Variants in TXLNB observed in about 807,000 individuals in gnomAD.
The protein encoded by TXLNB is taxilin beta, also known as beta-taxilin.
Under a neutral mutation model 57.4 loss-of-function variants are expected in TXLNB, and 37 were observed. The observed-to-expected ratio is 0.64, with a 90% confidence interval of 0.50 to 0.85. The LOEUF is 0.85. Ranked by LOEUF, TXLNB falls within the 40% of genes least tolerant of loss-of-function variation. TXLNB has a pLI of 0.00. For synonymous variants in TXLNB, 302 were observed against 309.6 expected (o/e 0.98, Z 0.26); for missense variants, 848 against 825.6 (o/e 1.03, Z -0.33).
intron 5 of TXLNB, among the ~76,000 whole-genome samples, chr6:139,261,588 T>C (rs896815497): frequency 2.0e-5 from 3 of 152,090 alleles, no homozygotes; most frequent in African/African-American, 7.2e-5. Context: ...TAAAATATAA[T>C]TTGGGTATAA....
the TXLNB span, among the ~76,000 whole-genome samples, chr6:139,197,443 G>C: frequency 6.6e-6 from 1 of 152,160 alleles, no homozygotes; most frequent in African/African-American, 2.4e-5. Context: ...AATATTTCTT[G>C]AGTGTGTCAA....
chr6:139,315,088 A>G, the TXLNB span, among the ~76,000 whole-genome samples: 1 of 152,120 alleles, frequency 6.6e-6, no homozygotes, highest in Non-Finnish European at 1.5e-5. Flanking sequence ...CCTGAACTCC[A>G]TGGATCAGCC....
chr6:139,174,679 T>C, the TXLNB span: 2 of 1,216,674 alleles, frequency 1.6e-6, no homozygotes, highest in Non-Finnish European at 2.2e-6. Flanking sequence ...AATGTAGTCA[T>C]TTAGTGGAAT....
intron 7 of TXLNB, among the ~76,000 whole-genome samples, chr6:139,254,560 G>T (rs1776287216): frequency 6.6e-6 from 1 of 152,190 alleles, no homozygotes; most frequent in South Asian, 2.1e-4. Flanking sequence ...ATTTAGGACA[G>T]GCAGAGCCCC....
chr6:139,321,814 A>G, the TXLNB span, among the ~76,000 whole-genome samples: 4 of 151,636 alleles, frequency 2.6e-5, no homozygotes, highest in African/African-American at 9.7e-5. Flanking sequence ...TTGTATTTTT[A>G]GTAGAGACAG....
the TXLNB span, among the ~76,000 whole-genome samples, chr6:139,161,263 TTG>T: frequency 6.6e-6 from 1 of 152,140 alleles, no homozygotes; most frequent in East Asian, 1.9e-4. Flanking sequence ...GAAGTGTCTG[TTG>T]TGTGTATTAC....
intron 9 of TXLNB, among the ~76,000 whole-genome samples, chr6:139,243,663 C>T (rs1406086674): frequency 6.6e-6 from 1 of 152,064 alleles, no homozygotes; most frequent in African/African-American, 2.4e-5. Context: ...AGAAGCAAGA[C>T]TTGCGGCAAG....
At chr6:139,186,824 C>A in the TXLNB span, among the ~76,000 whole-genome samples, 1 of 152,174 alleles carries the variant, frequency 6.6e-6, no homozygotes, top group Non-Finnish European at 1.5e-5. Context: ...CATGGACGGA[C>A]CTCAAAATAA....
At chr6:139,175,914 GAA>G in the TXLNB span, among the ~76,000 whole-genome samples, 1 of 152,172 alleles carries the variant, frequency 6.6e-6, no homozygotes, top group Admixed American at 6.5e-5. Context: ...TACTGAAATG[GAA>G]AATATGTTCG....
At position 139,284,644 on chromosome 6, in the gene TXLNB, G is replaced by A. The variant is rs562081633; in HGVS notation, c.424+3832C>T. On this transcript the variant is annotated intron_variant, in intron 2 of 9. Coordinates refer to ENST00000358430, the MANE Select transcript of TXLNB (RefSeq NM_153235.4). Reference sequence around the variant, plus strand: ...GTGCACAGGCCTTGTGGGAGATGGCGTATAGCATGTTCAAAGAACTGAGAA... The same window carrying A: ...GTGCACAGGCCTTGTGGGAGATGGCATATAGCATGTTCAAAGAACTGAGAA... Among the ~76,000 whole-genome samples, 3 of 146,216 alleles carry A rather than the reference G, an allele frequency of 2.1e-5. 1 individual carries two copies. The highest frequency in any genetic ancestry group is 4.6e-4 in the South Asian group (2 of 4,374).
At chr6:139,231,154 C>T in the TXLNB span, among the ~76,000 whole-genome samples, 491 of 152,308 alleles carry the variant, frequency 3.2e-3, 1 homozygote, top group African/African-American at 0.011. Flanking sequence ...TAACCACACA[C>T]ACATTTCATA....
chr6:139,160,553 A>G, the TXLNB span, among the ~76,000 whole-genome samples: 3 of 152,118 alleles, frequency 2.0e-5, no homozygotes, highest in South Asian at 4.1e-4. Context: ...AGCTGGGACT[A>G]TAGGCACATG....
the TXLNB span, among the ~76,000 whole-genome samples, chr6:139,302,455 G>C: frequency 6.6e-6 from 1 of 151,932 alleles, no homozygotes; most frequent in African/African-American, 2.4e-5. Flanking sequence ...AAAATTGGGT[G>C]ATTTTGTATT....
chr6:139,247,378 G>A (rs1307333927), intron 8 of TXLNB, among the ~76,000 whole-genome samples: 1 of 151,592 alleles, frequency 6.6e-6, no homozygotes, highest in African/African-American at 2.4e-5. Flanking sequence ...CTGATCTTGT[G>A]ATCCTCATGC....
chr6:139,251,336 C>T (rs1218169344), intron 7 of TXLNB: 2 of 152,162 alleles, frequency 1.3e-5, no homozygotes, highest in African/African-American at 4.8e-5. Flanking sequence ...ACAACAATTC[C>T]CTATTTCTTC....
At chr6:139,228,073 A>G in the TXLNB span, among the ~76,000 whole-genome samples, 1 of 152,240 alleles carries the variant, frequency 6.6e-6, no homozygotes, top group East Asian at 1.9e-4. Context: ...AACTATTTCC[A>G]TAGAAGTTAA....
chr6:139,249,755 C>T (rs993297055), intron 7 of TXLNB, among the ~76,000 whole-genome samples: 7 of 152,054 alleles, frequency 4.6e-5, no homozygotes, highest in African/African-American at 1.2e-4. Flanking sequence ...TAAATCATTT[C>T]GGTAGAATAC....
At chr6:139,208,244 G>C in the TXLNB span, among the ~76,000 whole-genome samples, 1 of 151,928 alleles carries the variant, frequency 6.6e-6, no homozygotes, top group Non-Finnish European at 1.5e-5. Context: ...ATTAAATCAG[G>C]AAAAAAATGG....
At chr6:139,210,159 C>T in the TXLNB span, among the ~76,000 whole-genome samples, 5 of 152,006 alleles carry the variant, frequency 3.3e-5, no homozygotes, top group African/African-American at 1.2e-4. Context: ...CCACAATGAG[C>T]TACCACCTTA....
Sources: allele counts gnomAD v4.1 joint callset (sites outside exome capture counted in the v4.1 genomes callset), GRCh38; gene constraint gnomAD v4.1.1; transcripts MANE v1.5; gene names NCBI Gene and HGNC (gene_info 2026-07-23, HGNC 2026-07-21).